The following RETREG1 variants were observed in gnomAD, a reference collection of about 807,000 sequenced individuals.
RETREG1 encodes reticulophagy regulator 1.
Under a neutral mutation model 54.8 loss-of-function variants are expected in RETREG1, and 44 were observed. That is an observed-to-expected ratio of 0.80 (90% confidence interval 0.63 to 1.03). The LOEUF (loss-of-function observed/expected upper bound fraction) is 1.03, where lower values mean the gene tolerates loss of function less well. Ranked by LOEUF, RETREG1 falls within the 50% of genes least tolerant of loss-of-function variation. The probability of loss-of-function intolerance (pLI) is 0.00; values close to 1 mark genes in which losing one functional copy is unlikely to be tolerated. For synonymous variants in RETREG1, 217 were observed against 238.5 expected (o/e 0.91, Z 0.83); for missense variants, 554 against 605.1 (o/e 0.92, Z 0.89).
At chr5:16,543,110 T>G (rs1302999536) in intron 3 of RETREG1, among the ~76,000 whole-genome samples, 1 of 152,214 alleles carries the variant, frequency 6.6e-6, no homozygotes. Flanking sequence ...TTATCTGGCT[T>G]CTTTTATCCA....
intron 2 of RETREG1, among the ~76,000 whole-genome samples, chr5:16,568,767 A>T (rs1742091531): frequency 6.6e-6 from 1 of 152,202 alleles, no homozygotes; most frequent in Non-Finnish European, 1.5e-5. Context: ...CGCTCTAGGG[A>T]TCTGCTATAC....
At chr5:16,548,544 A>G (rs1258048563) in intron 3 of RETREG1, among the ~76,000 whole-genome samples, 1 of 152,226 alleles carries the variant, frequency 6.6e-6, no homozygotes, top group African/African-American at 2.4e-5. Context: ...ATGCTTGTTT[A>G]CTGTAACCTA....
chr5:16,556,190 G>C (rs911002059), intron 3 of RETREG1, among the ~76,000 whole-genome samples: 1 of 148,338 alleles, frequency 6.7e-6, no homozygotes, highest in South Asian at 2.1e-4. Context: ...ACAGAGTCTC[G>C]CTCTGTCGCC....
intron 3 of RETREG1, among the ~76,000 whole-genome samples, chr5:16,508,108 C>A (rs1226884487): frequency 6.6e-6 from 1 of 152,172 alleles, no homozygotes; most frequent in African/African-American, 2.4e-5. Flanking sequence ...ACATTTTCAA[C>A]AATAGGAACT....
intron 3 of RETREG1, among the ~76,000 whole-genome samples, chr5:16,485,033 A>G (rs2126523507): frequency 6.6e-6 from 1 of 152,204 alleles, no homozygotes; most frequent in South Asian, 2.1e-4. Context: ...AGAAGCAGAT[A>G]TCTGTGGCAA....
intron 3 of RETREG1, among the ~76,000 whole-genome samples, chr5:16,496,673 C>A (rs1739472068): frequency 6.6e-6 from 1 of 152,190 alleles, no homozygotes; most frequent in Non-Finnish European, 1.5e-5. Flanking sequence ...GAATCTGCCA[C>A]AACAATTCTC....
intron 3 of RETREG1, among the ~76,000 whole-genome samples, chr5:16,527,899 T>A (rs1322279760): frequency 7.2e-6 from 1 of 139,770 alleles, no homozygotes; most frequent in Non-Finnish European, 1.5e-5. Flanking sequence ...AAGCTCCGCC[T>A]CCTGGGTTCA....
At chr5:16,505,856 C>T (rs964012287) in intron 3 of RETREG1, among the ~76,000 whole-genome samples, 1 of 152,216 alleles carries the variant, frequency 6.6e-6, no homozygotes, top group Non-Finnish European at 1.5e-5. Flanking sequence ...CTTCTCTGGC[C>T]CCTGAGGCTC....
At chr5:16,574,701 C>G (rs1016778916) in intron 1 of RETREG1, among the ~76,000 whole-genome samples, 7 of 152,212 alleles carry the variant, frequency 4.6e-5, no homozygotes, top group African/African-American at 1.7e-4. Context: ...CCAGGCTCCT[C>G]CTCCCAGGCC....
chr5:16,565,740 A>C, intron 3 of RETREG1, 23 bp downstream of exon 3: 18 of 1,613,990 alleles, frequency 1.1e-5, no homozygotes, highest in Non-Finnish European at 1.4e-5. Context: ...CATTAAGCAC[A>C]ACACGGAAAG....
chr5:16,588,727 C>A (rs1742681057), intron 1 of RETREG1, among the ~76,000 whole-genome samples: 1 of 152,204 alleles, frequency 6.6e-6, no homozygotes, highest in Admixed American at 6.5e-5. Context: ...TTAGAGCCAA[C>A]AGGTTATTTA....
intron 3 of RETREG1, among the ~76,000 whole-genome samples, chr5:16,502,103 C>G (rs1199254048): frequency 6.6e-6 from 1 of 151,372 alleles, no homozygotes; most frequent in Non-Finnish European, 1.5e-5. Flanking sequence ...ACTACAGGCG[C>G]CCGCCACCAC....
At chr5:16,521,735 G>GGTT (rs1740539512) in intron 3 of RETREG1, among the ~76,000 whole-genome samples, 1 of 152,122 alleles carries the variant, frequency 6.6e-6, no homozygotes, top group Non-Finnish European at 1.5e-5. Context: ...TTTAACTATG[G>GGTT]GTTCTGTTAC....
At chr5:16,535,211 G>A (rs760804277) in intron 3 of RETREG1, among the ~76,000 whole-genome samples, 5 of 152,114 alleles carry the variant, frequency 3.3e-5, no homozygotes, top group African/African-American at 7.2e-5. Context: ...TTTTCCGTCC[G>A]CTCGCTCCCA....
chr5:16,586,818 T>C (rs144203442), intron 1 of RETREG1, among the ~76,000 whole-genome samples: 1 of 152,324 alleles, frequency 6.6e-6, no homozygotes. Flanking sequence ...AACAGAAATC[T>C]ATTTCTCATA....
At chr5:16,527,102 C>T (rs1035185554) in intron 3 of RETREG1, among the ~76,000 whole-genome samples, 1 of 152,250 alleles carries the variant, frequency 6.6e-6, no homozygotes, top group Non-Finnish European at 1.5e-5. Context: ...CCTTTACCTT[C>T]CCCCGCCAGG....
intron 3 of RETREG1, among the ~76,000 whole-genome samples, chr5:16,527,934 C>T (rs1400429277): frequency 6.6e-6 from 1 of 151,042 alleles, no homozygotes; most frequent in Non-Finnish European, 1.5e-5. Context: ...CTCAGCCTCC[C>T]GAGTAGCTGG....
At chr5:16,569,678 CT>C (rs758130154) in intron 2 of RETREG1, among the ~76,000 whole-genome samples, 10 of 152,196 alleles carry the variant, frequency 6.6e-5, no homozygotes, top group Non-Finnish European at 1.2e-4. Flanking sequence ...AGGAGGCTGA[CT>C]CATAGCTCAC....
chr5:16,518,767 G>A (rs1025734489), intron 3 of RETREG1, among the ~76,000 whole-genome samples: 7 of 152,062 alleles, frequency 4.6e-5, no homozygotes, highest in Admixed American at 3.3e-4. Context: ...TGACTGTTTC[G>A]TAAAAGACAT....
Sources: gnomAD v4.1 joint callset for allele counts (sites outside exome capture counted in the v4.1 genomes callset) on GRCh38, gnomAD v4.1.1 for gene constraint, MANE v1.5 for transcripts, NCBI Gene and HGNC (gene_info 2026-07-23, HGNC 2026-07-21) for gene names.